The following MOCOS variants were observed in gnomAD, a reference collection of about 807,000 sequenced individuals.
MOCOS encodes the protein molybdenum cofactor sulfurase.
MOCOS carries 86 observed loss-of-function variants against 83.6 expected under a neutral mutation model. That is an observed-to-expected ratio of 1.03 (90% CI 0.86 to 1.23). The LOEUF (loss-of-function observed/expected upper bound fraction) is 1.23, where lower values mean the gene tolerates loss of function less well. Ranked by LOEUF, MOCOS falls within the 50% of genes most tolerant of loss-of-function variation. The pLI is 0.00. For missense variants in MOCOS, 1,120 were observed against 1,126.9 expected (o/e 0.99, Z 0.09); for synonymous variants, 445 against 434.7 (o/e 1.02, Z -0.29).
chr18:36,260,002 T>C, intron 12 of MOCOS, 35 bp from the exon 13 acceptor site: 1 of 1,612,496 alleles, frequency 6.2e-7, no homozygotes, highest in Non-Finnish European at 8.5e-7. Context: ...TCTGCCATCC[T>C]CCCCCTACTT....
At chr18:36,190,445 G>A (rs73430916) in intron 1 of MOCOS, among the ~76,000 whole-genome samples, 1,914 of 152,108 alleles carry the variant, frequency 0.013, 55 homozygotes, top group African/African-American at 0.042. Context: ...CACAAGATCC[G>A]GTTGTTTAAA....
At chr18:36,237,549 G>A (rs867399154) in intron 9 of MOCOS, among the ~76,000 whole-genome samples, 51 of 152,212 alleles carry the variant, frequency 3.4e-4, no homozygotes, top group Non-Finnish European at 4.4e-4. Context: ...TTTTATTGAG[G>A]ATTTTTGCAT....
intron 1 of MOCOS, among the ~76,000 whole-genome samples, chr18:36,192,660 T>G (rs1437804301): frequency 6.6e-6 from 1 of 152,188 alleles, no homozygotes; most frequent in Non-Finnish European, 1.5e-5. Flanking sequence ...TTTTATTTTA[T>G]TTTTTGAGTC....
intron 9 of MOCOS, among the ~76,000 whole-genome samples, chr18:36,235,905 G>A (rs1294282410): frequency 6.6e-6 from 1 of 151,888 alleles, no homozygotes; most frequent in Non-Finnish European, 1.5e-5. Context: ...TTTTTCATGT[G>A]TTTTTTGCCT....
At chr18:36,206,310 G>A (rs538311165) in intron 6 of MOCOS, among the ~76,000 whole-genome samples, 1 of 137,536 alleles carries the variant, frequency 7.3e-6, no homozygotes, top group Admixed American at 8.0e-5. Context: ...GCAGTGGCGT[G>A]ATCTCAGCTC....
chr18:36,205,945 G>T (rs931166847), intron 6 of MOCOS, among the ~76,000 whole-genome samples: 3 of 152,114 alleles, frequency 2.0e-5, no homozygotes, highest in Admixed American at 6.6e-5. Context: ...TCACCATTTT[G>T]GCTAGGCTGG....
chr18:36,200,386 C>T lies in MOCOS; in HGVS notation c.941+62C>T, dbSNP rs1397898680. On this transcript the variant is annotated intron_variant, in intron 4 of 14. Coordinates refer to ENST00000261326, the MANE Select transcript of MOCOS (RefSeq NM_017947.4). ...GCAAGGTGGGGTCTGGCCTGTTTCT[C>T]CTGGAGGATTATGCAAGAGGTGGGT... 20 of 1,593,610 alleles carry T rather than the reference C, an allele frequency of 1.3e-5. No homozygotes were observed. The East Asian group carries it at 2.5e-4, about 20-fold the overall frequency.
rs747874863 is a variant in MOCOS, at chr18:36,199,863, C to T, written c.480C>T (p.Asn160=). Residue 160 remains asparagine, a synonymous_variant, in exon 4 of 15, where the codon AAC becomes AAT. Transcript: ENST00000261326. ...ACACCTCCGTAGTGGGTATGCGGAA[C>T]GTGACCATGGCTATAAATGTCATAT... ...DSHTSVVGMR[N]VTMAINVIST... The T allele has an allele frequency of 1.5e-5, 24 of 1,613,864 alleles. No homozygotes were observed. The highest frequency in any genetic ancestry group is 2.7e-5 in the African/African-American group (2 of 74,930).
At chr18:36,233,746 G>A (rs2091547263) in intron 9 of MOCOS, among the ~76,000 whole-genome samples, 1 of 152,102 alleles carries the variant, frequency 6.6e-6, no homozygotes, top group African/African-American at 2.4e-5. Context: ...GAGTAAGGTG[G>A]TATTACATTG....
intron 12 of MOCOS, among the ~76,000 whole-genome samples, 190 bp from the exon 13 acceptor site, chr18:36,259,847 G>A (rs1195067211): frequency 6.6e-6 from 1 of 152,192 alleles, no homozygotes; most frequent in Non-Finnish European, 1.5e-5. Context: ...GGGAGGCCCT[G>A]ATGCCTGTTT....
intron 9 of MOCOS, among the ~76,000 whole-genome samples, chr18:36,241,618 A>T (rs1218873814): frequency 2.0e-5 from 3 of 152,216 alleles, no homozygotes; most frequent in African/African-American, 7.2e-5. Flanking sequence ...TCCACTAGGC[A>T]GTGCCCCTGT....
At chr18:36,219,521 A>C (rs62103123) in intron 8 of MOCOS, among the ~76,000 whole-genome samples, 1 of 151,658 alleles carries the variant, frequency 6.6e-6, no homozygotes, top group African/African-American at 2.4e-5. Flanking sequence ...TTTACTAAAA[A>C]TACAAAACTT....
chr18:36,194,102 C>T (rs80054703), intron 1 of MOCOS, among the ~76,000 whole-genome samples: 2,132 of 152,236 alleles, frequency 0.014, 25 homozygotes, highest in Non-Finnish European at 0.023. Flanking sequence ...TCTAGAGAAG[C>T]AGAAAGTAGA....
intron 9 of MOCOS, among the ~76,000 whole-genome samples, chr18:36,226,742 G>A (rs1598882529): frequency 2.1e-5 from 3 of 142,832 alleles, no homozygotes; most frequent in Non-Finnish European, 4.5e-5. Flanking sequence ...TAGTTATTTC[G>A]AGGCTTACAT....
chr18:36,246,706 G>C (rs1202689875), intron 9 of MOCOS, among the ~76,000 whole-genome samples: 1 of 152,232 alleles, frequency 6.6e-6, no homozygotes, highest in Non-Finnish European at 1.5e-5. Flanking sequence ...GGGTGTTGCA[G>C]GTGGTGAAAT....
At chr18:36,239,543 C>T (rs1194083398) in intron 9 of MOCOS, among the ~76,000 whole-genome samples, 1 of 150,484 alleles carries the variant, frequency 6.6e-6, no homozygotes, top group African/African-American at 2.5e-5. Flanking sequence ...GGTAACCCGA[C>T]CTTTCTCTCT....
chr18:36,260,002 TC>T, intron 12 of MOCOS, 34 bp from the exon 13 acceptor site: 1 of 1,612,500 alleles, frequency 6.2e-7, no homozygotes, highest in Non-Finnish European at 8.5e-7. Context: ...TCTGCCATCC[TC>T]CCCCTACTTA....
intron 13 of MOCOS, among the ~76,000 whole-genome samples, chr18:36,263,738 T>C (rs1272144939): frequency 1.3e-5 from 2 of 152,224 alleles, no homozygotes; most frequent in Non-Finnish European, 2.9e-5. Flanking sequence ...TGCTTTCTCT[T>C]TTAATTCTTC....
At chr18:36,201,793 G>T (rs1402606341) in intron 4 of MOCOS, among the ~76,000 whole-genome samples, 3 of 152,062 alleles carry the variant, frequency 2.0e-5, no homozygotes, top group Admixed American at 2.0e-4. Context: ...CCATAGTTGG[G>T]GGGCTTCTAA....
Sources: allele counts gnomAD v4.1 joint callset (sites outside exome capture counted in the v4.1 genomes callset), GRCh38; gene constraint gnomAD v4.1.1; transcripts MANE v1.5; gene names NCBI Gene and HGNC (gene_info 2026-07-23, HGNC 2026-07-21).